The following CLEC4D variants were observed in gnomAD, a reference collection of about 807,000 sequenced individuals.
CLEC4D encodes the protein C-type lectin domain family 4 member D, also known as C-type (calcium dependent, carbohydrate-recognition domain) lectin, superfamily member 8.
CLEC4D carries 21 observed loss-of-function variants against 21.1 expected under a neutral mutation model. That is an observed-to-expected ratio of 1.00 (90% CI 0.71 to 1.43). CLEC4D has a LOEUF of 1.43. Among genes scored for constraint, CLEC4D ranks in the 40% most tolerant of loss-of-function variants. The probability of loss-of-function intolerance (pLI) is 0.00; values close to 1 mark genes in which losing one functional copy is unlikely to be tolerated. For missense variants in CLEC4D, 289 were observed against 260.7 expected (o/e 1.11, Z -0.75); for synonymous variants, 85 against 83.1 (o/e 1.02, Z -0.12).
intron 4 of CLEC4D, among the ~76,000 whole-genome samples, chr12:8,519,858 C>T (rs1036283731): frequency 9.2e-5 from 14 of 151,966 alleles, no homozygotes; most frequent in African/African-American, 3.1e-4. Flanking sequence ...TGTATAGGTT[C>T]GGTAATTCTG....
At chr12:8,519,448 C>G (rs1041875179) in intron 4 of CLEC4D, among the ~76,000 whole-genome samples, 3 of 152,194 alleles carry the variant, frequency 2.0e-5, no homozygotes, top group Non-Finnish European at 4.4e-5. Flanking sequence ...ACAACGAGAT[C>G]ATGGCATTTA....
downstream of CLEC4D, among the ~76,000 whole-genome samples, chr12:8,526,496 A>G (rs1004005675): frequency 6.6e-6 from 1 of 151,912 alleles, no homozygotes; most frequent in Non-Finnish European, 1.5e-5. Flanking sequence ...GATACTTTAT[A>G]CTTCATGAAG....
intron 2 of CLEC4D, among the ~76,000 whole-genome samples, chr12:8,517,650 G>A (rs140855161): frequency 2.6e-5 from 4 of 152,004 alleles, no homozygotes; most frequent in African/African-American, 9.7e-5. Flanking sequence ...AACTTCTCCC[G>A]TAAAGAACAA....
At chr12:8,525,990 T>C (rs1230715077), downstream of CLEC4D, among the ~76,000 whole-genome samples, 1 of 152,214 alleles carries the variant, frequency 6.6e-6, no homozygotes, top group Non-Finnish European at 1.5e-5. Context: ...AAAATTCTTT[T>C]ATTTAAGAAT....
chr12:8,513,873 G>A, intron 1 of CLEC4D, 113 bp downstream of exon 1: 1 of 660,776 alleles, frequency 1.5e-6, no homozygotes, highest in East Asian at 2.5e-5. Flanking sequence ...GGAGAAGGAG[G>A]TGGAAGGAAA....
chr12:8,529,798 G>A, the CLEC4D span, among the ~76,000 whole-genome samples: 1 of 152,168 alleles, frequency 6.6e-6, no homozygotes, highest in Non-Finnish European at 1.5e-5. Flanking sequence ...GGGAAAGAGA[G>A]AGAGAAAGAA....
At chr12:8,524,157 T>C (rs1940488634), downstream of CLEC4D, among the ~76,000 whole-genome samples, 1 of 152,206 alleles carries the variant, frequency 6.6e-6, no homozygotes, top group South Asian at 2.1e-4. Context: ...GCCTGAAGTT[T>C]TTTTTTTGGT....
chr12:8,519,552 G>A (rs1253454733), intron 4 of CLEC4D, among the ~76,000 whole-genome samples: 5 of 152,062 alleles, frequency 3.3e-5, no homozygotes, highest in African/African-American at 9.7e-5. Flanking sequence ...TCACCTTTGC[G>A]CTTCCAATGT....
At position 8,521,378 on chromosome 12, in the gene CLEC4D, A is replaced by G. The variant is rs774858576; in HGVS notation, c.*107A>G. 5 of 1,481,634 alleles carry G rather than the reference A, an allele frequency of 3.4e-6. No homozygotes were observed. Among genetic ancestry groups the G allele is most frequent in the South Asian group, 1.4e-5 (1 of 70,040 alleles). 91.8% of individuals were successfully genotyped at this position (1,481,634 alleles called of 1,614,324 possible). ...ACACAGAAAACATGCTGGTTCATACAGCGTTTTTAGTCATAATGGTCTTTT... is the reference window on the plus strand; with the variant it reads ...ACACAGAAAACATGCTGGTTCATACGGCGTTTTTAGTCATAATGGTCTTTT... On this transcript the variant is annotated 3_prime_UTR_variant, in exon 6 of 6. Coordinates refer to ENST00000299665, the MANE Select transcript of CLEC4D (RefSeq NM_080387.5).
At chr12:8,518,491 T>C (rs1940413837) in intron 3 of CLEC4D, among the ~76,000 whole-genome samples, 1 of 152,252 alleles carries the variant, frequency 6.6e-6, no homozygotes, top group South Asian at 2.1e-4. Context: ...GGATGGGTTA[T>C]TTTTGACATC....
downstream of CLEC4D, among the ~76,000 whole-genome samples, chr12:8,525,598 G>T (rs1940499843): frequency 6.6e-6 from 1 of 152,098 alleles, no homozygotes; most frequent in Admixed American, 6.5e-5. Context: ...TGTAAGATGG[G>T]TCGCCTGAAT....
Position 8,522,022 on chromosome 12 carries a change from C to T in CLEC4D, c.*751C>T, listed in dbSNP as rs1192530525. The T allele has an allele frequency of 6.6e-6, 1 of 152,140 alleles. No individual in the cohort carries two copies. The highest frequency in any genetic ancestry group is 1.9e-4 in the East Asian group (1 of 5,200). 9.4% of individuals were successfully genotyped at this position (152,140 alleles called of 1,614,324 possible). On this transcript the variant is annotated 3_prime_UTR_variant, in exon 6 of 6. Coordinates refer to ENST00000299665, the MANE Select transcript of CLEC4D (RefSeq NM_080387.5). Reference sequence around the variant, plus strand: ...TCACATTGTTAGTTCATGACAGACCCAGGTGTGCTTCATTAGAGATAACAT... The same window carrying T: ...TCACATTGTTAGTTCATGACAGACCTAGGTGTGCTTCATTAGAGATAACAT...
At chr12:8,520,441 T>A (rs1940444419) in intron 5 of CLEC4D, 100 bp downstream of exon 5, 1 of 1,485,956 alleles carries the variant, frequency 6.7e-7, no homozygotes, top group Non-Finnish European at 9.0e-7. Context: ...TATAAAAATG[T>A]TAAGAGAGAC....
Position 8,521,766 on chromosome 12 carries a change from CATTACA to C in CLEC4D, c.*502_*507del, listed in dbSNP as rs1311542702. 2.0e-5 allele frequency: 3 copies of C among 153,168 alleles called. No homozygotes were observed. The highest frequency in any genetic ancestry group is 7.2e-5 in the African/African-American group (3 of 41,412). The allele number at this position is 153,168 out of a possible 1,614,324, so 9.5% of individuals were successfully genotyped here. A position where few individuals can be genotyped will look rare whatever the true frequency, so the allele number is the denominator to read the frequency against. ...CATTTTCAGACTTTTTAATGTCAGT[CATTACA>C]ATTACATTGCATGAGGAAAATTTTT... On this transcript the variant is annotated 3_prime_UTR_variant, in exon 6 of 6. Transcript: ENST00000299665.
At chr12:8,525,306 G>T (rs886471070), downstream of CLEC4D, among the ~76,000 whole-genome samples, 1 of 152,108 alleles carries the variant, frequency 6.6e-6, no homozygotes, top group Non-Finnish European at 1.5e-5. Flanking sequence ...GGGTGTTAAA[G>T]TCTCCCACTA....
chr12:8,516,614 T>C (rs1454977947), intron 2 of CLEC4D, among the ~76,000 whole-genome samples: 1 of 152,234 alleles, frequency 6.6e-6, no homozygotes, highest in East Asian at 1.9e-4. Context: ...ATATTGATGA[T>C]GCCATGGAGC....
Position 8,513,727 on chromosome 12 carries a change from T to A in CLEC4D, c.-6T>A. On this transcript the variant is annotated 5_prime_UTR_variant, in exon 1 of 6. Transcript: ENST00000299665. ...CCTGACCATTGAACAAGAGACTAAT[T>A]AGACAATGGGGCTAGAAAAACCTCA... 9.0e-7 allele frequency: 1 copy of A among 1,115,802 alleles called. No individual in the cohort carries two copies. Among genetic ancestry groups the A allele is most frequent in the Non-Finnish European group, 1.4e-6 (1 of 726,690 alleles). The allele number at this position is 1,115,802 out of a possible 1,614,324, so 69.1% of individuals were successfully genotyped here. A position where few individuals can be genotyped will look rare whatever the true frequency, so the allele number is the denominator to read the frequency against.
chr12:8,518,382 A>G lies in CLEC4D; in HGVS notation c.232+108A>G, dbSNP rs74059866. On this transcript the variant is annotated intron_variant, in intron 3 of 5. Transcript: ENST00000299665. ...CCAGGAAAGATTAAAATAGCATAAG[A>G]TGAGAATCTGGCATCGGAGTAAATA... is the stretch of plus-strand genomic sequence containing the variant. 117,531 of 611,076 alleles carry G rather than the reference A, an allele frequency of 0.19. 12,291 individuals are homozygous for G. The highest frequency in any genetic ancestry group is 0.34 in the Middle Eastern group (1,056 of 3,076). The allele number at this position is 611,076 out of a possible 1,614,324, so 37.9% of individuals were successfully genotyped here.
chr12:8,531,479 C>A, the CLEC4D span, among the ~76,000 whole-genome samples: 5 of 152,052 alleles, frequency 3.3e-5, no homozygotes, highest in African/African-American at 1.2e-4. Flanking sequence ...GGAAATAACT[C>A]TTTTTCATAA....
Sources: gnomAD v4.1 joint callset for allele counts (sites outside exome capture counted in the v4.1 genomes callset) on GRCh38, gnomAD v4.1.1 for gene constraint, MANE v1.5 for transcripts, NCBI Gene and HGNC (gene_info 2026-07-23, HGNC 2026-07-21) for gene names.